Variants in KLRG1 observed in about 807,000 individuals in gnomAD.
KLRG1 encodes killer cell lectin-like receptor subfamily G member 1.
In KLRG1, 16 loss-of-function variants were observed where a neutral mutation model predicts 21.8. The observed-to-expected ratio is 0.73, with a 90% CI of 0.50 to 1.11. KLRG1 has a LOEUF of 1.11. Ranked by LOEUF, KLRG1 falls within the 50% of genes most tolerant of loss-of-function variation. KLRG1 has a pLI of 0.00. For synonymous variants in KLRG1, 69 were observed against 75.9 expected (o/e 0.91, Z 0.47); for missense variants, 173 against 218.3 (o/e 0.79, Z 1.31).
the KLRG1 span, chr12:9,196,493 C>A: frequency 6.3e-7 from 1 of 1,575,084 alleles, no homozygotes; most frequent in Non-Finnish European, 8.7e-7. Flanking sequence ...CATAAAATTT[C>A]TTTCTTACAA....
chr12:9,050,940 A>G, the KLRG1 span, among the ~76,000 whole-genome samples: 19 of 152,176 alleles, frequency 1.2e-4, no homozygotes, highest in African/African-American at 4.6e-4. Flanking sequence ...CTTGGGAGCC[A>G]TGAATGGTGG....
chr12:8,954,979 C>T (rs754982554), intron 1 of KLRG1, among the ~76,000 whole-genome samples: 9 of 151,810 alleles, frequency 5.9e-5, no homozygotes, highest in Non-Finnish European at 1.0e-4. Context: ...TGCAATGGTG[C>T]GATCTTGGCT....
the KLRG1 span, chr12:9,158,589 A>G: frequency 1.9e-5 from 31 of 1,613,664 alleles, no homozygotes; most frequent in Middle Eastern, 1.6e-4. Context: ...AGGGGGAGGA[A>G]AAATGCAGTG....
the KLRG1 span, among the ~76,000 whole-genome samples, chr12:9,183,630 C>T: frequency 7.4e-4 from 113 of 152,212 alleles, no homozygotes; most frequent in African/African-American, 2.6e-3. Context: ...CCAAACTCCT[C>T]GGTTCAAGCA....
At chr12:9,157,085 G>C in the KLRG1 span, 518 of 1,272,944 alleles carry the variant, frequency 4.1e-4, 2 homozygotes, top group African/African-American at 6.8e-3. Flanking sequence ...CTCCCTCTCC[G>C]CACCTCCCAG....
chr12:9,176,898 C>T, the KLRG1 span, among the ~76,000 whole-genome samples: 2 of 152,202 alleles, frequency 1.3e-5, no homozygotes, highest in Non-Finnish European at 2.9e-5. Flanking sequence ...TGAGGAATCA[C>T]ACCTGAGAGG....
chr12:8,986,574 A>G (rs1268237518), upstream of KLRG1, among the ~76,000 whole-genome samples: 3 of 148,828 alleles, frequency 2.0e-5, no homozygotes, highest in Non-Finnish European at 3.0e-5. Flanking sequence ...ATATGCTCCC[A>G]TCTTTTTTTT....
At chr12:9,004,038 AT>A (rs1947389979) in intron 3 of KLRG1, among the ~76,000 whole-genome samples, 1 of 151,736 alleles carries the variant, frequency 6.6e-6, no homozygotes, top group Non-Finnish European at 1.5e-5. Flanking sequence ...TGAACTCATC[AT>A]TTTTTATGGC....
the KLRG1 span, among the ~76,000 whole-genome samples, chr12:9,171,712 A>G: frequency 6.6e-6 from 1 of 152,240 alleles, no homozygotes; most frequent in Non-Finnish European, 1.5e-5. Flanking sequence ...TATCAGTAGC[A>G]GGATAGACCA....
At chr12:9,059,390 A>G in the KLRG1 span, among the ~76,000 whole-genome samples, 3 of 152,182 alleles carry the variant, frequency 2.0e-5, no homozygotes, top group East Asian at 1.9e-4. Flanking sequence ...TATGAATTCA[A>G]TTTCCTTAGA....
the KLRG1 span, among the ~76,000 whole-genome samples, chr12:9,047,378 G>A: frequency 6.6e-6 from 1 of 152,174 alleles, no homozygotes; most frequent in East Asian, 1.9e-4. Flanking sequence ...AGTTGTAAAT[G>A]TATATTGCAA....
the KLRG1 span, chr12:9,153,116 G>T: frequency 6.2e-7 from 1 of 1,613,544 alleles, no homozygotes; most frequent in South Asian, 1.1e-5. Context: ...TATAAGCTTG[G>T]AGCCCTACCT....
chr12:9,005,182 C>T (rs989706454), intron 3 of KLRG1, among the ~76,000 whole-genome samples: 1 of 150,610 alleles, frequency 6.6e-6, no homozygotes, highest in Non-Finnish European at 1.5e-5. Flanking sequence ...GGGAGGGGAA[C>T]ATCACACACC....
At chr12:9,086,328 G>A in the KLRG1 span, among the ~76,000 whole-genome samples, 1 of 152,170 alleles carries the variant, frequency 6.6e-6, no homozygotes, top group South Asian at 2.1e-4. Flanking sequence ...AGGAGTTCAA[G>A]TCCAGCCTGG....
the KLRG1 span, among the ~76,000 whole-genome samples, chr12:9,134,909 CT>C: frequency 6.6e-6 from 1 of 152,208 alleles, no homozygotes; most frequent in Non-Finnish European, 1.5e-5. Context: ...TAGAAAATAA[CT>C]TTTTTACTCT....
At chr12:9,132,952 G>T in the KLRG1 span, among the ~76,000 whole-genome samples, 1 of 152,066 alleles carries the variant, frequency 6.6e-6, no homozygotes, top group Non-Finnish European at 1.5e-5. Flanking sequence ...AATGAAAACT[G>T]GTATAGCTAA....
the KLRG1 span, among the ~76,000 whole-genome samples, chr12:9,025,133 G>A: frequency 6.6e-6 from 1 of 152,204 alleles, no homozygotes; most frequent in Non-Finnish European, 1.5e-5. Flanking sequence ...GTGGTGACAG[G>A]TGAAATTTCA....
At chr12:9,043,714 A>C in the KLRG1 span, among the ~76,000 whole-genome samples, 1 of 152,242 alleles carries the variant, frequency 6.6e-6, no homozygotes, top group Non-Finnish European at 1.5e-5. Context: ...CTCTTCTTGA[A>C]TCCTAGCTGA....
chr12:9,151,513 G>C, the KLRG1 span: 1 of 1,065,920 alleles, frequency 9.4e-7, no homozygotes, highest in Non-Finnish European at 1.4e-6. Flanking sequence ...ACTAATGATT[G>C]TTTTCCTCAT....
Sources: allele counts gnomAD v4.1 joint callset (sites outside exome capture counted in the v4.1 genomes callset), GRCh38; gene constraint gnomAD v4.1.1; transcripts MANE v1.5; gene names NCBI Gene and HGNC (gene_info 2026-07-23, HGNC 2026-07-21).